Variants in AP4E1 observed in about 807,000 individuals in gnomAD.
AP4E1 encodes AP-4 complex subunit epsilon-1.
In AP4E1, 56 loss-of-function variants were observed where a neutral mutation model predicts 128.2. The observed-to-expected ratio is 0.44, with a 90% CI of 0.35 to 0.55. AP4E1 has a LOEUF of 0.55. Among genes scored for constraint, AP4E1 ranks in the 20% least tolerant of loss-of-function variants. The pLI is 0.00. For missense variants in AP4E1, 1,324 were observed against 1,307.7 expected (o/e 1.01, Z -0.19); for synonymous variants, 484 against 473.1 (o/e 1.02, Z -0.30).
intron 16 of AP4E1, among the ~76,000 whole-genome samples, chr15:50,990,657 C>G (rs1339285707): frequency 6.6e-6 from 1 of 151,606 alleles, no homozygotes; most frequent in East Asian, 2.0e-4. Context: ...GCTGGCATTA[C>G]AGGTGTGAGC....
intron 5 of AP4E1, among the ~76,000 whole-genome samples, chr15:50,925,497 T>C (rs2063757058): frequency 6.6e-6 from 1 of 152,204 alleles, no homozygotes; most frequent in South Asian, 2.1e-4. Context: ...GGTCTTGTTT[T>C]TCCTTGGCTA....
At chr15:50,961,627 A>G (rs2064315254) in intron 14 of AP4E1, among the ~76,000 whole-genome samples, 2 of 152,130 alleles carry the variant, frequency 1.3e-5, no homozygotes, top group Admixed American at 6.5e-5. Context: ...CCCATATATG[A>G]CAAACCCAAA....
Position 50,993,473 on chromosome 15 carries a change from G to T in AP4E1, c.2194G>T (p.Val732Phe). ...TGGTGATGAAAGTGGAGCTCTGCCT[G>T]TTCCTCAAGAGAGTATAATGGAGAA... is the stretch of plus-strand genomic sequence containing the variant. The part of the protein sequence containing the change: ...KTGDESGALP[V>F]PQESIMENVD... Residue 732 changes from valine to phenylalanine, a missense_variant, in exon 17 of 21, where the codon GTT (valine) becomes TTT (phenylalanine). Coordinates refer to ENST00000261842, the MANE Select transcript of AP4E1 (RefSeq NM_007347.5). The T allele has an allele frequency of 1.2e-6, 2 of 1,613,974 alleles. No homozygotes were observed. The highest frequency in any genetic ancestry group is 1.7e-6 in the Non-Finnish European group (2 of 1,179,964).
intron 17 of AP4E1, 29 bp downstream of exon 17, chr15:50,993,654 A>G (rs367653486): frequency 3.1e-6 from 5 of 1,613,174 alleles, no homozygotes; most frequent in African/African-American, 2.7e-5. Flanking sequence ...TCCTGTAAGA[A>G]TCTTTGTCAT....
At chr15:51,002,451 CTGTT>C (rs746456997) in intron 20 of AP4E1, 47 bp from the exon 21 acceptor site, 2 of 1,588,366 alleles carry the variant, frequency 1.3e-6, no homozygotes, top group Admixed American at 1.7e-5. Flanking sequence ...GGAGAAATGT[CTGTT>C]TAACTCCTTT....
chr15:50,936,628 G>T (rs1240147703), intron 8 of AP4E1, among the ~76,000 whole-genome samples: 1 of 152,090 alleles, frequency 6.6e-6, no homozygotes, highest in Non-Finnish European at 1.5e-5. Flanking sequence ...ATATTTTCCA[G>T]AATGACCCTT....
intron 16 of AP4E1, among the ~76,000 whole-genome samples, chr15:50,988,144 G>T (rs1213678524): frequency 6.6e-6 from 1 of 152,122 alleles, no homozygotes; most frequent in Non-Finnish European, 1.5e-5. Flanking sequence ...CCATATAGTT[G>T]GTCACCCAGT....
intron 15 of AP4E1, among the ~76,000 whole-genome samples, chr15:50,976,249 T>C (rs1228567892): frequency 2.0e-5 from 3 of 152,178 alleles, no homozygotes; most frequent in African/African-American, 7.2e-5. Context: ...ATTAATGTGA[T>C]ATCATGTTAA....
At position 50,958,520 on chromosome 15, in the gene AP4E1, A is replaced by G. The variant is rs765179910; in HGVS notation, c.1577A>G (p.Asp526Gly). 3 of 1,613,282 alleles carry G rather than the reference A, an allele frequency of 1.9e-6. No individual in the cohort carries two copies. The highest frequency in any genetic ancestry group is 4.5e-5 in the East Asian group (2 of 44,782). Residue 526 changes from aspartate (D) to glycine (G), a missense_variant, in exon 14 of 21, where the codon GAT (aspartate) becomes GGT (glycine). Asp to Gly is a moderately conservative substitution (Grantham distance 94). Transcript: ENST00000261842. ...TTAGGGGAATATTCCTACCTCTTAG[A>G]TAAGGAAACGCCAGAGGAAGTTATA... is the stretch of plus-strand genomic sequence containing the variant. ...WVLGEYSYLL[D>G]KETPEEVIAK...
chr15:50,949,879 T>C lies in AP4E1; in HGVS notation c.1370T>C (p.Val457Ala), dbSNP rs1424977704. 1.9e-6 allele frequency: 3 copies of C among 1,613,840 alleles called. No homozygotes were observed. The highest frequency in any genetic ancestry group is 2.5e-6 in the Non-Finnish European group (3 of 1,179,836). ...FIQTMNAVFS[V>A]GGDVMHPDIP... ...CAGACAATGAATGCTGTGTTTTCAG[T>C]AGGAGGAGATGTAATGCATCCTGAT... Residue 457 changes from valine (V) to alanine (A), a missense_variant, in exon 12 of 21, where the codon GTA becomes GCA. Val to Ala is a moderately conservative substitution (Grantham distance 64). Transcript: ENST00000261842.
At chr15:50,924,291 TGTTA>T (rs2063743107) in intron 4 of AP4E1, among the ~76,000 whole-genome samples, 1 of 152,190 alleles carries the variant, frequency 6.6e-6, no homozygotes, top group Non-Finnish European at 1.5e-5. Context: ...GTCTCTAAGT[TGTTA>T]GTTTAGGTAT....
In AP4E1 at chr15:50,930,966, T is replaced by A; in HGVS notation, c.864T>A (p.Asp288Glu). ...LRILGLLGKD[D>E]QRTSELMYDV... ...TACTGGGACTTCTAGGAAAAGATGA[T>A]CAAAGGTAAACTATTTTCAGTAAGT... is the stretch of plus-strand genomic sequence containing the variant. Residue 288 changes from aspartate (D) to glutamate (E), a missense_variant, in exon 7 of 21, where the codon GAT (aspartate) becomes GAA (glutamate). Asp to Glu is a conservative substitution (Grantham distance 45). Coordinates refer to ENST00000261842, the MANE Select transcript of AP4E1 (RefSeq NM_007347.5). The A allele has an allele frequency of 1.9e-6, 3 of 1,614,080 alleles. No individual in the cohort carries two copies. The highest frequency in any genetic ancestry group is 2.5e-6 in the Non-Finnish European group (3 of 1,179,998).
At chr15:50,954,197 G>A (rs1051168911) in intron 13 of AP4E1, among the ~76,000 whole-genome samples, 5 of 150,338 alleles carry the variant, frequency 3.3e-5, no homozygotes, top group African/African-American at 4.9e-5. Context: ...TGTCATGAGG[G>A]CTATTGGTCT....
At chr15:50,993,334 T>C (rs2064827286) in intron 16 of AP4E1, 36 bp from the exon 17 acceptor site, 4 of 1,611,028 alleles carry the variant, frequency 2.5e-6, no homozygotes, top group Non-Finnish European at 3.4e-6. Context: ...TTAGCAGTTA[T>C]TTAAGTTGAC....
At position 50,987,002 on chromosome 15, in the gene AP4E1, C is replaced by T. The variant is rs1209077752; in HGVS notation, c.2090+2857C>T. 3.9e-5 allele frequency among the ~76,000 whole-genome samples: 6 copies of T among 152,238 alleles called. No homozygotes were observed. The East Asian group carries it at 9.6e-4, about 24-fold the overall frequency. ...AATTTCAGAGCCTGTTATTGGTCTA[C>T]TCAGAGATTCAACTTCTTCCTGGTT... On this transcript the variant is annotated intron_variant, in intron 16 of 20. Transcript: ENST00000261842.
At chr15:50,974,697 T>G (rs1200870982) in intron 15 of AP4E1, among the ~76,000 whole-genome samples, 1 of 152,242 alleles carries the variant, frequency 6.6e-6, no homozygotes, top group African/African-American at 2.4e-5. Context: ...TTTTCTTTTC[T>G]TTGATAATCA....
At chr15:50,934,747 TATTG>T in intron 8 of AP4E1, 50 bp downstream of exon 8, 11 of 1,228,414 alleles carry the variant, frequency 9.0e-6, no homozygotes, top group Non-Finnish European at 1.2e-5. Context: ...TGTTTTTTAG[TATTG>T]CAGTTAAATC....
intron 8 of AP4E1, among the ~76,000 whole-genome samples, chr15:50,940,258 G>A (rs560680419): frequency 6.6e-6 from 1 of 152,226 alleles, no homozygotes; most frequent in Admixed American, 6.5e-5. Flanking sequence ...TTACTCTGTA[G>A]TTTTCATTTA....
At chr15:50,912,375 T>A (rs946279803) in intron 2 of AP4E1, among the ~76,000 whole-genome samples, 7 of 152,222 alleles carry the variant, frequency 4.6e-5, no homozygotes, top group African/African-American at 1.7e-4. Context: ...TGATGATGAT[T>A]ACATAAATGT....
Sources: allele counts gnomAD v4.1 joint callset (sites outside exome capture counted in the v4.1 genomes callset), GRCh38; gene constraint gnomAD v4.1.1; transcripts MANE v1.5; gene names NCBI Gene and HGNC (gene_info 2026-07-23, HGNC 2026-07-21).